The following IFT74 variants were observed in gnomAD, a reference collection of about 807,000 sequenced individuals.
The protein encoded by IFT74 is intraflagellar transport protein 74 homolog.
IFT74 carries 92 observed loss-of-function variants against 96.7 expected under a neutral mutation model. The ratio of observed to expected loss-of-function variants is 0.95; its 90% CI spans 0.80 to 1.13. The LOEUF is 1.13. IFT74 is among the 50% of genes most tolerant of loss of function. The pLI is 0.00. For missense variants in IFT74, 811 were observed against 698.2 expected (o/e 1.16, Z -1.82); for synonymous variants, 223 against 213.2 (o/e 1.05, Z -0.40).
At chr9:27,048,803 A>G (rs1440326568) in intron 16 of IFT74, among the ~76,000 whole-genome samples, 1 of 152,156 alleles carries the variant, frequency 6.6e-6, no homozygotes, top group African/African-American at 2.4e-5. Flanking sequence ...CTTTCCTGAT[A>G]ATCACGTTTT....
intron 1 of IFT74, among the ~76,000 whole-genome samples, chr9:26,959,960 T>C (rs746211850): frequency 6.6e-5 from 10 of 152,192 alleles, no homozygotes; most frequent in Non-Finnish European, 1.2e-4. Context: ...TTTCTGATTT[T>C]GCCAGATGGG....
In IFT74 at chr9:26,968,228, T is replaced by G. The variant is rs544669631; in HGVS notation, c.120+6141T>G. ...CAGTGAAGTCATCAGGTCCTGAGCTTTTCTTTGCTGGGAGACGTTTTTTAA... is the reference window on the plus strand; with the variant it reads ...CAGTGAAGTCATCAGGTCCTGAGCTGTTCTTTGCTGGGAGACGTTTTTTAA... On this transcript the variant is annotated intron_variant, in intron 2 of 19. Transcript: ENST00000380062. Among the ~76,000 whole-genome samples the G allele has an allele frequency of 4.0e-5, 6 of 151,784 alleles. No homozygotes were observed. The South Asian group carries it at 1.3e-3, about 32-fold the overall frequency.
chr9:26,951,149 T>C (rs1445816036), intron 1 of IFT74, among the ~76,000 whole-genome samples: 4 of 152,238 alleles, frequency 2.6e-5, no homozygotes, highest in South Asian at 4.1e-4. Flanking sequence ...TTTGTGTAAA[T>C]TGAGGTAAAC....
At chr9:26,953,885 T>TC (rs1226164051), upstream of IFT74, among the ~76,000 whole-genome samples, 1 of 152,214 alleles carries the variant, frequency 6.6e-6, no homozygotes, top group African/African-American at 2.4e-5. Flanking sequence ...ACATTTTTCT[T>TC]CTGTGCACCC....
intron 12 of IFT74, among the ~76,000 whole-genome samples, chr9:27,027,316 TA>T (rs569887440): frequency 5.8e-4 from 85 of 146,044 alleles, no homozygotes; most frequent in Non-Finnish European, 6.7e-4. Flanking sequence ...TTGAAATGGT[TA>T]AAAAAAAAAA....
intron 2 of IFT74, among the ~76,000 whole-genome samples, chr9:26,965,036 G>A (rs756672650): frequency 6.6e-6 from 1 of 152,056 alleles, no homozygotes; most frequent in Non-Finnish European, 1.5e-5. Flanking sequence ...AAACAACCTA[G>A]AAGACTTACA....
At chr9:26,995,362 C>G in intron 8 of IFT74, 1 of 561,546 alleles carries the variant, frequency 1.8e-6, no homozygotes, top group Non-Finnish European at 3.2e-6. Context: ...AACCTGCTTG[C>G]TCAATATAAT....
chr9:27,002,456 T>TGCCAAGA (rs1484826287), intron 8 of IFT74, among the ~76,000 whole-genome samples: 2 of 152,252 alleles, frequency 1.3e-5, no homozygotes, highest in Admixed American at 1.3e-4. Flanking sequence ...TAATCCATTT[T>TGCCAAGA]TATTCCTGGA....
At chr9:26,957,626 TTGATTAG>T (rs1478488909) in intron 1 of IFT74, among the ~76,000 whole-genome samples, 4 of 152,112 alleles carry the variant, frequency 2.6e-5, no homozygotes, top group Admixed American at 2.6e-4. Flanking sequence ...ACTGTAGACA[TTGATTAG>T]TGAGCCGTAC....
intron 1 of IFT74, among the ~76,000 whole-genome samples, chr9:26,948,193 C>T (rs1825807511): frequency 6.6e-6 from 1 of 152,124 alleles, no homozygotes; most frequent in South Asian, 2.1e-4. Context: ...TATCCCCTCC[C>T]TGGGTGGATT....
chr9:26,961,691 T>A (rs1303578792), intron 1 of IFT74, among the ~76,000 whole-genome samples: 4 of 152,082 alleles, frequency 2.6e-5, no homozygotes, highest in Non-Finnish European at 5.9e-5. Context: ...GGGATGAGAA[T>A]ACTAAAGAAA....
chr9:27,022,005 G>A (rs2131628544), intron 12 of IFT74, among the ~76,000 whole-genome samples: 1 of 152,266 alleles, frequency 6.6e-6, no homozygotes, highest in Admixed American at 6.5e-5. Flanking sequence ...ATTGATTTTT[G>A]TATAAGATGA....
intron 8 of IFT74, among the ~76,000 whole-genome samples, chr9:26,998,934 C>A (rs1390972413): frequency 6.6e-6 from 1 of 152,166 alleles, no homozygotes; most frequent in Non-Finnish European, 1.5e-5. Context: ...GCGGAGGTTG[C>A]AGTGAGCTGA....
chr9:26,963,912 T>C (rs1441214763), intron 2 of IFT74, among the ~76,000 whole-genome samples: 3 of 152,160 alleles, frequency 2.0e-5, no homozygotes, highest in African/African-American at 7.2e-5. Flanking sequence ...ATTTTGTAGG[T>C]TGCGTGTTCA....
chr9:27,065,836 G>A lies in IFT74; in HGVS notation c.*3100G>A, dbSNP rs1039877293. Among the ~76,000 whole-genome samples the A allele has an allele frequency of 1.3e-5, 2 of 152,190 alleles. No individual in the cohort carries two copies. The highest frequency in any genetic ancestry group is 4.8e-5 in the African/African-American group (2 of 41,458). On this transcript the variant is annotated 3_prime_UTR_variant, in exon 20 of 20. Transcript: ENST00000380062. ...AAAGATGGACCACTAGAGAATTGTA[G>A]TAATCTATTTTTAAATTGATATTGT...
At chr9:27,025,234 G>A (rs1829802982) in intron 12 of IFT74, among the ~76,000 whole-genome samples, 1 of 151,944 alleles carries the variant, frequency 6.6e-6, no homozygotes, top group South Asian at 2.1e-4. Flanking sequence ...CATGAGGTCA[G>A]GAGTTCAAGA....
intron 8 of IFT74, chr9:26,999,521 TC>T: frequency 2.2e-6 from 2 of 919,464 alleles, no homozygotes; most frequent in Non-Finnish European, 3.2e-6. Flanking sequence ...GGTCAGATTT[TC>T]TTTGCTTTCT....
chr9:27,062,566 G>A, intron 19 of IFT74, 52 bp from the exon 20 acceptor site: 1 of 972,898 alleles, frequency 1.0e-6, no homozygotes, highest in Non-Finnish European at 1.6e-6. Context: ...CCTTTCTCAG[G>A]CACAATTAGA....
chr9:26,947,722 A>G (rs949298361), intron 1 of IFT74, among the ~76,000 whole-genome samples: 5 of 152,188 alleles, frequency 3.3e-5, no homozygotes, highest in South Asian at 2.1e-4. Context: ...ACTATTAATC[A>G]TTGAACTATT....
Sources: allele counts gnomAD v4.1 joint callset (sites outside exome capture counted in the v4.1 genomes callset), GRCh38; gene constraint gnomAD v4.1.1; transcripts MANE v1.5; gene names NCBI Gene and HGNC (gene_info 2026-07-23, HGNC 2026-07-21).